STEAP1B: variants seen among roughly 807,000 people sequenced by gnomAD.
STEAP1B encodes the protein STEAP family member 1B.
Under a neutral mutation model 27.9 loss-of-function variants are expected in STEAP1B, and 13 were observed. The ratio of observed to expected loss-of-function variants is 0.47; its 90% CI spans 0.30 to 0.74. STEAP1B has a LOEUF of 0.74. Among genes scored for constraint, STEAP1B ranks in the 30% least tolerant of loss-of-function variants. The pLI is 0.06. For missense variants in STEAP1B, 250 were observed against 298.7 expected (o/e 0.84, Z 1.20); for synonymous variants, 86 against 107.1 (o/e 0.80, Z 1.22).
intron 4 of STEAP1B, among the ~76,000 whole-genome samples, chr7:22,442,817 T>C (rs909760556): frequency 1.3e-5 from 2 of 152,140 alleles, no homozygotes; most frequent in African/African-American, 4.8e-5. Flanking sequence ...GAGGAGGACT[T>C]GGCAGTGCTC....
intron 4 of STEAP1B, among the ~76,000 whole-genome samples, chr7:22,471,285 G>A (rs1302145383): frequency 2.0e-5 from 3 of 152,290 alleles, no homozygotes; most frequent in East Asian, 3.9e-4. Context: ...GGAAAGTGAC[G>A]CAGAGGAAGC....
chr7:22,448,417 T>C (rs965885535), intron 4 of STEAP1B, among the ~76,000 whole-genome samples: 24 of 152,212 alleles, frequency 1.6e-4, no homozygotes, highest in African/African-American at 5.8e-4. Flanking sequence ...TGAACTCATA[T>C]TTCCATTTCA....
chr7:22,482,890 G>C (rs1051657104), intron 4 of STEAP1B, among the ~76,000 whole-genome samples: 1 of 152,262 alleles, frequency 6.6e-6, no homozygotes, highest in South Asian at 2.1e-4. Context: ...TTTGAACTGG[G>C]GAGACATCCC....
intron 4 of STEAP1B, among the ~76,000 whole-genome samples, chr7:22,467,312 T>C (rs954371580): frequency 3.9e-5 from 6 of 152,186 alleles, no homozygotes; most frequent in Non-Finnish European, 8.8e-5. Context: ...GCCTGCCAGC[T>C]CCCAATTAGT....
intron 4 of STEAP1B, among the ~76,000 whole-genome samples, chr7:22,484,213 T>A (rs891421214): frequency 2.6e-5 from 4 of 152,222 alleles, no homozygotes; most frequent in African/African-American, 9.6e-5. Flanking sequence ...ATAGCCCTCT[T>A]GGAAGATGCC....
At chr7:22,434,074 G>T (rs1391364856) in intron 4 of STEAP1B, among the ~76,000 whole-genome samples, 1 of 152,184 alleles carries the variant, frequency 6.6e-6, no homozygotes, top group Non-Finnish European at 1.5e-5. Context: ...AGGGTCACCG[G>T]TTACTCTCCA....
chr7:22,438,816 C>T, intron 4 of STEAP1B: 3 of 1,484,552 alleles, frequency 2.0e-6, no homozygotes, highest in East Asian at 2.5e-5. Context: ...GAATTAAAAG[C>T]CCTGTGATAA....
chr7:22,468,557 T>A lies in STEAP1B; in HGVS notation c.762+24008A>T, dbSNP rs950316474. ...CCATTTATCACCTATCAAAACACTTTTGGAAGTGTTTTGATTTGATACGAT... is the reference window on the plus strand; with the variant it reads ...CCATTTATCACCTATCAAAACACTTATGGAAGTGTTTTGATTTGATACGAT... On this transcript the variant is annotated intron_variant, in intron 4 of 4. Coordinates refer to ENST00000678116, the MANE Select transcript of STEAP1B (RefSeq NM_001382447.1). 2.6e-5 allele frequency among the ~76,000 whole-genome samples: 4 copies of A among 152,146 alleles called. No individual in the cohort carries two copies. In the East Asian group the frequency reaches 7.7e-4, roughly 29 times the overall value.
chr7:22,443,790 A>C (rs1460134385), intron 4 of STEAP1B, among the ~76,000 whole-genome samples: 1 of 152,070 alleles, frequency 6.6e-6, no homozygotes, highest in African/African-American at 2.4e-5. Flanking sequence ...CTGCCCCATC[A>C]CCTAAGAGCC....
Position 22,419,749 on chromosome 7 carries a change from A to G in STEAP1B, c.*55T>C. The G allele has an allele frequency of 6.5e-7, 1 of 1,540,506 alleles. No individual in the cohort carries two copies. The highest frequency in any genetic ancestry group is 1.2e-5 in the South Asian group (1 of 82,104). Reference sequence around the variant, plus strand: ...GGTGGTGTTCTGCATGAGCAATCCAATGCTGTGCTCCAAAGCCTCGTTCTC... The same window carrying G: ...GGTGGTGTTCTGCATGAGCAATCCAGTGCTGTGCTCCAAAGCCTCGTTCTC... On this transcript the variant is annotated 3_prime_UTR_variant, in exon 5 of 5. Coordinates refer to ENST00000678116, the MANE Select transcript of STEAP1B (RefSeq NM_001382447.1).
chr7:22,460,401 C>T (rs1362208768), intron 4 of STEAP1B, among the ~76,000 whole-genome samples: 1 of 150,888 alleles, frequency 6.6e-6, no homozygotes, highest in Non-Finnish European at 1.5e-5. Flanking sequence ...GGAGAGCATT[C>T]AAGGAAGGAC....
chr7:22,436,764 C>T (rs568281598), intron 4 of STEAP1B, among the ~76,000 whole-genome samples: 2 of 152,272 alleles, frequency 1.3e-5, no homozygotes, highest in African/African-American at 2.4e-5. Context: ...ATGGTGTATA[C>T]GTACCACATT....
At chr7:22,450,512 C>T (rs1339998119) in intron 4 of STEAP1B, among the ~76,000 whole-genome samples, 1 of 151,504 alleles carries the variant, frequency 6.6e-6, no homozygotes, top group African/African-American at 2.4e-5. Flanking sequence ...TCTGGGTTCT[C>T]TATTCTGTTT....
intron 4 of STEAP1B, among the ~76,000 whole-genome samples, chr7:22,448,517 C>CA (rs1183132225): frequency 1.3e-5 from 2 of 151,860 alleles, no homozygotes; most frequent in Non-Finnish European, 2.9e-5. Context: ...TAATATTAGT[C>CA]AAATTAATTT....
intron 4 of STEAP1B, among the ~76,000 whole-genome samples, chr7:22,434,895 A>T (rs1156670698): frequency 6.6e-6 from 1 of 152,212 alleles, no homozygotes; most frequent in Non-Finnish European, 1.5e-5. Flanking sequence ...TTGTTAATTT[A>T]TTCAATATTC....
In STEAP1B at chr7:22,493,299, A is replaced by G. The variant is rs1786366895; in HGVS notation, c.597+25T>C. 5.7e-6 allele frequency: 9 copies of G among 1,581,948 alleles called. No individual in the cohort carries two copies. In the East Asian group the frequency reaches 2.0e-4, roughly 36 times the overall value. ...TAGGTGACTTAGACTTTTTATTAGTAACAGTGACATCATTGTCATCTCACC... is the reference window on the plus strand; with the variant it reads ...TAGGTGACTTAGACTTTTTATTAGTGACAGTGACATCATTGTCATCTCACC... On this transcript the variant is annotated intron_variant, in intron 3 of 4. Coordinates refer to ENST00000678116, the MANE Select transcript of STEAP1B (RefSeq NM_001382447.1).
chr7:22,458,228 T>C (rs1048140384), intron 4 of STEAP1B, among the ~76,000 whole-genome samples: 1 of 152,126 alleles, frequency 6.6e-6, no homozygotes, highest in African/African-American at 2.4e-5. Context: ...TGTGATGCCA[T>C]GGAGGTGAAT....
intron 4 of STEAP1B, among the ~76,000 whole-genome samples, chr7:22,469,736 G>A (rs1433589823): frequency 2.0e-5 from 3 of 152,150 alleles, no homozygotes; most frequent in Admixed American, 6.5e-5. Flanking sequence ...CTAGGTTAGC[G>A]TAAGTACACT....
intron 4 of STEAP1B, among the ~76,000 whole-genome samples, chr7:22,468,316 C>T (rs1785821289): frequency 6.6e-6 from 1 of 151,940 alleles, no homozygotes; most frequent in Non-Finnish European, 1.5e-5. Flanking sequence ...AAGGGAGGTA[C>T]TATTATTACC....
Sources: allele counts gnomAD v4.1 joint callset (sites outside exome capture counted in the v4.1 genomes callset), GRCh38; gene constraint gnomAD v4.1.1; transcripts MANE v1.5; gene names NCBI Gene and HGNC (gene_info 2026-07-23, HGNC 2026-07-21).